The following FHIT variants were observed in gnomAD, a reference collection of about 807,000 sequenced individuals.
FHIT encodes bis(5'-adenosyl)-triphosphatase.
A neutral mutation model predicts 17.9 loss-of-function variants in FHIT; 19 were observed. The ratio of observed to expected loss-of-function variants is 1.06; its 90% CI spans 0.74 to 1.56. The LOEUF is 1.56. Among genes scored for constraint, FHIT ranks in the 40% most tolerant of loss-of-function variants. The pLI, the probability that FHIT is intolerant of heterozygous loss-of-function variation, is 0.00. For synonymous variants in FHIT, 81 were observed against 69.7 expected (o/e 1.16, Z -0.81); for missense variants, 248 against 189.2 (o/e 1.31, Z -1.82).
At chr3:61,233,721 T>A (rs1478229804) in intron 1 of FHIT, among the ~76,000 whole-genome samples, 3 of 152,188 alleles carry the variant, frequency 2.0e-5, no homozygotes, top group Non-Finnish European at 2.9e-5. Context: ...ACCACTTTTT[T>A]AATCAGGCTA....
At chr3:60,664,805 C>A (rs553070176) in intron 4 of FHIT, among the ~76,000 whole-genome samples, 11 of 150,698 alleles carry the variant, frequency 7.3e-5, no homozygotes, top group African/African-American at 2.7e-4. Flanking sequence ...GTTTTAGTGA[C>A]CACAGGATCT....
intron 8 of FHIT, among the ~76,000 whole-genome samples, chr3:59,918,123 T>C (rs768214512): frequency 4.6e-5 from 7 of 152,218 alleles, no homozygotes; most frequent in Non-Finnish European, 7.3e-5. Flanking sequence ...GGCTATGAGT[T>C]AGTGAATTGA....
At chr3:60,125,676 G>GTT (rs200004861) in intron 5 of FHIT, among the ~76,000 whole-genome samples, 4,142 of 123,574 alleles carry the variant, frequency 0.034, 206 homozygotes, top group African/African-American at 0.11. Context: ...ATATATATGT[G>GTT]TGTGCGTGTG....
At chr3:60,270,738 C>T (rs904778106) in intron 5 of FHIT, among the ~76,000 whole-genome samples, 1 of 152,118 alleles carries the variant, frequency 6.6e-6, no homozygotes, top group African/African-American at 2.4e-5. Context: ...TCGGCTTTGG[C>T]CATTTCCAAG....
At chr3:60,019,415 C>CT (rs1281567026) in intron 5 of FHIT, among the ~76,000 whole-genome samples, 29,264 of 120,770 alleles carry the variant, frequency 0.24, 4,183 homozygotes, top group East Asian at 0.5. Flanking sequence ...TGAGATGCTC[C>CT]TTTTTTTTTT....
chr3:60,738,261 A>G (rs1294846533), intron 4 of FHIT, among the ~76,000 whole-genome samples: 1 of 152,224 alleles, frequency 6.6e-6, no homozygotes, highest in African/African-American at 2.4e-5. Flanking sequence ...AAAGTCCATA[A>G]TATGGCTTAT....
At chr3:59,837,855 G>C (rs1317012456) in intron 8 of FHIT, among the ~76,000 whole-genome samples, 1 of 152,020 alleles carries the variant, frequency 6.6e-6, no homozygotes, top group African/African-American at 2.4e-5. Context: ...TGGTGTGGGG[G>C]GGTGGTGTGG....
rs555783599 is a variant in FHIT, at chr3:60,998,530, C to CGTA, written c.-111+43516_-111+43517insTAC. On this transcript the variant is annotated intron_variant, in intron 3 of 9. Transcript: ENST00000492590. The stretch of plus-strand genomic sequence containing the variant: ...AAAGTCTACTTTTATTAATCCCCTC[C>CGTA]CTACCCCTAATTGAGCTAATTTGAA... Among the ~76,000 whole-genome samples, 74 of 152,112 alleles carry CGTA rather than the reference C, an allele frequency of 4.9e-4. No individual in the cohort carries two copies. The East Asian group carries it at 0.012, about 24-fold the overall frequency.
intron 5 of FHIT, among the ~76,000 whole-genome samples, chr3:60,531,447 T>A (rs1176663455): frequency 6.6e-6 from 1 of 151,698 alleles, no homozygotes; most frequent in East Asian, 1.9e-4. Context: ...CCCGGCTAAT[T>A]TTTTGTATTT....
intron 4 of FHIT, among the ~76,000 whole-genome samples, chr3:60,554,388 T>C (rs2036672735): frequency 6.6e-6 from 1 of 152,200 alleles, no homozygotes; most frequent in South Asian, 2.1e-4. Flanking sequence ...CTGTTATGTA[T>C]CTTTCTGGAG....
intron 8 of FHIT, among the ~76,000 whole-genome samples, chr3:59,887,666 C>G (rs1347404339): frequency 6.6e-6 from 1 of 152,202 alleles, no homozygotes. Flanking sequence ...GCCCAGAGCT[C>G]AGCCAGCATC....
At chr3:60,253,080 T>C (rs1705809723) in intron 5 of FHIT, among the ~76,000 whole-genome samples, 1 of 152,130 alleles carries the variant, frequency 6.6e-6, no homozygotes, top group Admixed American at 6.5e-5. Context: ...GTTTCTACTG[T>C]AGTACACCAT....
chr3:59,931,984 G>T (rs932936895), intron 7 of FHIT, among the ~76,000 whole-genome samples: 47 of 148,812 alleles, frequency 3.2e-4, no homozygotes, highest in Non-Finnish European at 5.1e-4. Context: ...TAAAAAAAAA[G>T]CAAGATAATG....
intron 5 of FHIT, among the ~76,000 whole-genome samples, chr3:60,442,324 C>G (rs534160562): frequency 3.3e-5 from 5 of 152,146 alleles, no homozygotes; most frequent in Admixed American, 6.5e-5. Context: ...GGAAGATGGT[C>G]TATAGAAAAG....
intron 4 of FHIT, among the ~76,000 whole-genome samples, chr3:60,755,921 T>C (rs1027241482): frequency 2.0e-5 from 3 of 152,218 alleles, no homozygotes. Flanking sequence ...AAACATTGCA[T>C]GCATTAGAAA....
At chr3:59,804,892 T>C (rs1417774371) in intron 8 of FHIT, among the ~76,000 whole-genome samples, 4 of 152,132 alleles carry the variant, frequency 2.6e-5, no homozygotes, top group Admixed American at 6.5e-5. Context: ...CACTAAGCAT[T>C]TGGGGAAACC....
chr3:60,269,378 T>C (rs1037077598), intron 5 of FHIT, among the ~76,000 whole-genome samples: 1 of 152,198 alleles, frequency 6.6e-6, no homozygotes, highest in East Asian at 1.9e-4. Flanking sequence ...ATAGTTTTCT[T>C]TTACTGACCA....
intron 7 of FHIT, among the ~76,000 whole-genome samples, chr3:59,966,618 A>G (rs1234059342): frequency 2.6e-4 from 40 of 152,196 alleles, no homozygotes; most frequent in Non-Finnish European, 4.4e-5. Flanking sequence ...TAACATAATG[A>G]TAAGTATTCA....
intron 4 of FHIT, among the ~76,000 whole-genome samples, chr3:60,580,031 G>A (rs1367619558): frequency 1.3e-5 from 2 of 152,112 alleles, no homozygotes; most frequent in African/African-American, 4.8e-5. Context: ...GAGATACTAG[G>A]ATGGTGTTTT....
Sources: allele counts gnomAD v4.1 joint callset (sites outside exome capture counted in the v4.1 genomes callset), GRCh38; gene constraint gnomAD v4.1.1; transcripts MANE v1.5; gene names NCBI Gene and HGNC (gene_info 2026-07-23, HGNC 2026-07-21).